STOX2: variants seen among roughly 807,000 people sequenced by gnomAD.
STOX2 encodes storkhead-box protein 2.
A neutral mutation model predicts 60.9 loss-of-function variants in STOX2; 28 were observed. That is an observed-to-expected ratio of 0.46 (90% CI 0.34 to 0.63). The LOEUF is 0.63. Ranked by LOEUF, STOX2 falls within the 30% of genes least tolerant of loss-of-function variation. The pLI is 0.01. For synonymous variants in STOX2, 472 were observed against 463.9 expected, an observed-to-expected ratio of 1.02 and a Z score of -0.22; for missense variants, 1,024 against 1,187.7, an observed-to-expected ratio of 0.86 and a Z score of 2.03.
intron 3 of STOX2, chr4:184,015,089 C>T (rs1281723686): frequency 6.6e-6 from 1 of 152,140 alleles, no homozygotes; most frequent in African/African-American, 2.4e-5. Flanking sequence ...TGTACAGATT[C>T]TTCCTTGATG....
At chr4:183,840,052 G>A (rs979333127) in intron 1 of STOX2, among the ~76,000 whole-genome samples, 3 of 151,834 alleles carry the variant, frequency 2.0e-5, no homozygotes, top group Non-Finnish European at 4.4e-5. Context: ...GTGTGTGTGC[G>A]CGTGTGTGTG....
intron 1 of STOX2, among the ~76,000 whole-genome samples, chr4:183,802,812 G>A (rs67217301): frequency 0.63 from 95,337 of 151,914 alleles, 30,377 homozygotes; most frequent in East Asian, 0.77. Context: ...TAGTAGAGAC[G>A]GGGTCTCACC....
rs115124491 is a variant in STOX2 at position 183,961,008 on chromosome 4, A to G, written c.167-40317A>G. On this transcript the variant is annotated intron_variant, in intron 1 of 3. Transcript: ENST00000308497. Reference sequence around the variant, plus strand: ...CACATGAGCTACACCCCTCAGCCCTACCCCTGGTTCTCTGTGACACAGCGA... The same window carrying G: ...CACATGAGCTACACCCCTCAGCCCTGCCCCTGGTTCTCTGTGACACAGCGA... Among the ~76,000 whole-genome samples the G allele has an allele frequency of 2.6e-3, 403 of 152,198 alleles. 1 individual carries two copies. Among genetic ancestry groups the G allele is most frequent in the African/African-American group, 9.1e-3 (378 of 41,526 alleles).
intron 1 of STOX2, among the ~76,000 whole-genome samples, chr4:183,965,355 CAT>C (rs1743535174): frequency 6.6e-6 from 1 of 152,194 alleles, no homozygotes; most frequent in African/African-American, 2.4e-5. Flanking sequence ...AAGTGTCTGA[CAT>C]AGAGTACTGG....
intron 1 of STOX2, among the ~76,000 whole-genome samples, chr4:183,841,013 G>A (rs1394181236): frequency 6.6e-6 from 1 of 152,072 alleles, no homozygotes; most frequent in African/African-American, 2.4e-5. Context: ...GATTACAGGT[G>A]CACACCACTA....
intron 1 of STOX2, among the ~76,000 whole-genome samples, chr4:183,861,815 C>G (rs1482748973): frequency 6.6e-6 from 1 of 152,148 alleles, no homozygotes; most frequent in African/African-American, 2.4e-5. Flanking sequence ...ATACCAACAA[C>G]TATTTTAGTT....
chr4:183,821,383 A>G lies in STOX2; in HGVS notation c.364+23328A>G, dbSNP rs1739300217. Among the ~76,000 whole-genome samples, 1 of 152,256 alleles carries G rather than the reference A, an allele frequency of 6.6e-6. No homozygotes were observed. Among genetic ancestry groups the G allele is most frequent in the African/African-American group, 2.4e-5 (1 of 41,472 alleles). On this transcript the variant is annotated intron_variant, in intron 1 of 2. Transcript: ENST00000513034. The surrounding 1 kb of genome is among the most constrained non-coding windows in gnomAD (Gnocchi z 4.2). ...AGGTAGAGGATCTTTTATAAAGAAC[A>G]AACGAAAGCATTACACTGATATTAT...
intron 2 of STOX2, among the ~76,000 whole-genome samples, chr4:184,003,705 T>C (rs543127235): frequency 5.7e-4 from 87 of 152,272 alleles, no homozygotes; most frequent in African/African-American, 2.0e-3. Flanking sequence ...AGTGGCAGAG[T>C]TGAGTAGTAG....
At chr4:183,928,880 A>G (rs28667494) in intron 1 of STOX2, among the ~76,000 whole-genome samples, 22,584 of 152,064 alleles carry the variant, frequency 0.15, 4,825 homozygotes, top group African/African-American at 0.48. Flanking sequence ...AAGAACACCA[A>G]CCCACCACAG....
chr4:183,852,652 A>G (rs1265504459), intron 1 of STOX2, among the ~76,000 whole-genome samples: 1 of 152,214 alleles, frequency 6.6e-6, no homozygotes, highest in Non-Finnish European at 1.5e-5. Context: ...TGTACCTCGG[A>G]AGCAGCATTC....
At chr4:183,943,254 A>C (rs1457242791) in intron 1 of STOX2, among the ~76,000 whole-genome samples, 1 of 152,230 alleles carries the variant, frequency 6.6e-6, no homozygotes, top group Non-Finnish European at 1.5e-5. Flanking sequence ...CCCAGTGAAT[A>C]AACTTAACTA....
At chr4:183,805,657 A>G (rs1051293532) in intron 1 of STOX2, among the ~76,000 whole-genome samples, 1 of 152,190 alleles carries the variant, frequency 6.6e-6, no homozygotes, top group East Asian at 1.9e-4. Flanking sequence ...AAAAAGTTTT[A>G]AAAAAATTAG....
rs767421215 is a variant in STOX2 at position 183,865,877 on chromosome 4, A to C, written c.364+67822A>C. On this transcript the variant is annotated intron_variant, in intron 1 of 2. Transcript: ENST00000513034. This position sits in a 1 kb window ranked among gnomAD's most constrained non-coding sequence, Gnocchi z 4.1. Reference sequence around the variant, plus strand: ...AAGGCTTTTTTCTTTTTAACCACTTAGGCATTGTGAGTCCATTAAAACAAC... The same window carrying C: ...AAGGCTTTTTTCTTTTTAACCACTTCGGCATTGTGAGTCCATTAAAACAAC... Among the ~76,000 whole-genome samples, 1 of 152,178 alleles carries C rather than the reference A, an allele frequency of 6.6e-6. No homozygotes were observed. The highest frequency in any genetic ancestry group is 2.4e-5 in the African/African-American group (1 of 41,452).
At chr4:183,798,688 CAA>C (rs1184291997) in intron 1 of STOX2, 1 of 985,204 alleles carries the variant, frequency 1.0e-6, no homozygotes, top group Admixed American at 6.2e-5. Flanking sequence ...GGAAGAGACA[CAA>C]AGAGGCCGGA....
intron 1 of STOX2, among the ~76,000 whole-genome samples, chr4:183,857,871 C>G (rs1740338850): frequency 6.6e-6 from 1 of 152,174 alleles, no homozygotes; most frequent in Non-Finnish European, 1.5e-5. Context: ...CTGCCCATCC[C>G]CCTGTTCTCT....
At chr4:183,871,014 C>T (rs1366682553) in intron 1 of STOX2, among the ~76,000 whole-genome samples, 1 of 152,198 alleles carries the variant, frequency 6.6e-6, no homozygotes, top group Non-Finnish European at 1.5e-5. Flanking sequence ...TACTGGATGG[C>T]TGCCTAAAAT....
intron 1 of STOX2, among the ~76,000 whole-genome samples, chr4:183,920,266 C>T (rs1253832650): frequency 6.6e-6 from 1 of 152,046 alleles, no homozygotes; most frequent in East Asian, 1.9e-4. Context: ...CCTGCCACCA[C>T]GGCCAGCTAA....
chr4:183,878,905 C>A (rs1740890993), intron 1 of STOX2, among the ~76,000 whole-genome samples: 1 of 148,958 alleles, frequency 6.7e-6, no homozygotes, highest in African/African-American at 2.5e-5. Flanking sequence ...AAGCTCTGCT[C>A]TCTAGAATTG....
intron 1 of STOX2, among the ~76,000 whole-genome samples, chr4:183,861,484 C>T (rs1394584171): frequency 6.6e-6 from 1 of 152,192 alleles, no homozygotes; most frequent in African/African-American, 2.4e-5. Context: ...GACAAGGACA[C>T]CTCAAAATAC....
Sources: gnomAD v4.1 joint callset for allele counts (sites outside exome capture counted in the v4.1 genomes callset) on GRCh38, gnomAD v4.1.1 for gene constraint, Gnocchi (gnomAD v3.1) non-coding constraint, MANE v1.5 for transcripts, NCBI Gene and HGNC (gene_info 2026-07-23, HGNC 2026-07-21) for gene names.